The following ADGRG6 variants were observed in gnomAD, a reference collection of about 807,000 sequenced individuals.
ADGRG6 encodes adhesion G protein-coupled receptor G6, also known as G-protein coupled receptor 126.
A neutral mutation model predicts 142.4 loss-of-function variants in ADGRG6; 84 were observed. The observed-to-expected ratio is 0.59, with a 90% CI of 0.49 to 0.71. The LOEUF (loss-of-function observed/expected upper bound fraction) is 0.71. Among genes scored for constraint, ADGRG6 ranks in the 30% least tolerant of loss-of-function variants. ADGRG6 has a pLI of 0.00. For missense variants in ADGRG6, 1,367 were observed against 1,466.6 expected, an observed-to-expected ratio of 0.93 and a Z score of 1.11; for synonymous variants, 521 against 520.5, an observed-to-expected ratio of 1.00 and a Z score of -0.01.
chr6:142,313,458 C>T (rs974800185), intron 2 of ADGRG6, among the ~76,000 whole-genome samples: 22 of 152,190 alleles, frequency 1.4e-4, no homozygotes, highest in Non-Finnish European at 2.5e-4. Flanking sequence ...CCACACAGAT[C>T]GTCTTAGTCA....
intron 22 of ADGRG6, among the ~76,000 whole-genome samples, chr6:142,427,896 A>C (rs941113842): frequency 6.6e-6 from 1 of 152,130 alleles, no homozygotes; most frequent in East Asian, 1.9e-4. Flanking sequence ...AAAAACCTGC[A>C]CCCATAATTC....
At chr6:142,400,854 G>A in intron 11 of ADGRG6, 1 of 342,730 alleles carries the variant, frequency 2.9e-6, no homozygotes, top group Non-Finnish European at 5.3e-6. Context: ...CCAGTGGGTA[G>A]CACCAGAGCA....
intron 2 of ADGRG6, among the ~76,000 whole-genome samples, chr6:142,330,312 A>G (rs573270901): frequency 4.0e-4 from 61 of 152,256 alleles, no homozygotes; most frequent in African/African-American, 1.4e-3. Context: ...CTGTGTAACA[A>G]ACCTGCACAT....
chr6:142,427,897 C>G (rs777009912), intron 22 of ADGRG6, among the ~76,000 whole-genome samples: 14 of 152,280 alleles, frequency 9.2e-5, no homozygotes, highest in East Asian at 3.9e-4. Flanking sequence ...AAAACCTGCA[C>G]CCATAATTCA....
intron 7 of ADGRG6, among the ~76,000 whole-genome samples, chr6:142,391,078 A>G (rs1055621086): frequency 5.3e-5 from 8 of 151,848 alleles, no homozygotes; most frequent in Non-Finnish European, 1.0e-4. Context: ...TTATTTAACC[A>G]GTATCCTATT....
intron 1 of ADGRG6, among the ~76,000 whole-genome samples, chr6:142,307,017 G>GATTGCAGGCAGTCTT (rs1227836045): frequency 3.3e-5 from 5 of 152,190 alleles, no homozygotes; most frequent in Non-Finnish European, 7.4e-5. Context: ...CAACTGATAG[G>GATTGCAGGCAGTCTT]ATTGCAGGCA....
In ADGRG6 at chr6:142,439,031, G is replaced by A. The variant is rs1777619093; in HGVS notation, c.3574+667G>A. Among the ~76,000 whole-genome samples the A allele has an allele frequency of 5.9e-5, 9 of 152,186 alleles. No homozygotes were observed. The South Asian group carries it at 1.9e-3, about 31-fold the overall frequency. On this transcript the variant is annotated intron_variant, in intron 24 of 24. Coordinates refer to ENST00000367609, the MANE Select transcript of ADGRG6 (RefSeq NM_198569.3). ...CCAGGTGCTATGACACATGCCTGGA[G>A]TCCCAGCTGCTCTGGAGGCTGAGAT... is the stretch of plus-strand genomic sequence containing the variant.
At chr6:142,415,422 T>G (rs1689202673) in intron 19 of ADGRG6, among the ~76,000 whole-genome samples, 1 of 152,174 alleles carries the variant, frequency 6.6e-6, no homozygotes, top group Admixed American at 6.5e-5. Context: ...TGAAACAATT[T>G]TTTTAAGATC....
Position 142,441,274 on chromosome 6 carries a change from A to C in ADGRG6, c.3575-2063A>C, listed in dbSNP as rs73582565. 8.5e-3 allele frequency among the ~76,000 whole-genome samples: 1,299 copies of C among 152,316 alleles called. 19 individuals carry two copies. Among genetic ancestry groups the C allele is most frequent in the African/African-American group, 0.027 (1,108 of 41,572 alleles). Reference sequence around the variant, plus strand: ...AAAAGATTTGTTGTAGAAGGACATGAAATGCTTTATTTTTCCACTGCTCAT... The same window carrying C: ...AAAAGATTTGTTGTAGAAGGACATGCAATGCTTTATTTTTCCACTGCTCAT... On this transcript the variant is annotated intron_variant, in intron 24 of 24. Transcript: ENST00000367609.
chr6:142,302,389 G>A (rs1777267601), intron 1 of ADGRG6, 58 bp downstream of exon 1: 18 of 1,581,618 alleles, frequency 1.1e-5, no homozygotes, highest in South Asian at 9.1e-5. Flanking sequence ...TCCACCTTCT[G>A]TCGCCCCCTC....
At chr6:142,302,384 C>T (rs1379241656) in intron 1 of ADGRG6, 53 bp downstream of exon 1, 18 of 1,592,048 alleles carry the variant, frequency 1.1e-5, no homozygotes, top group Admixed American at 1.0e-4. Context: ...CTGTGTCCAC[C>T]TTCTGTCGCC....
At chr6:142,437,668 G>A (rs182565289) in intron 23 of ADGRG6, 133 bp downstream of exon 23, 14 of 610,728 alleles carry the variant, frequency 2.3e-5, no homozygotes, top group African/African-American at 1.7e-4. Flanking sequence ...ATGCGTAGTT[G>A]GAATCATAGA....
At chr6:142,344,810 C>CTGA (rs1451256751) in intron 2 of ADGRG6, among the ~76,000 whole-genome samples, 1 of 151,874 alleles carries the variant, frequency 6.6e-6, no homozygotes, top group East Asian at 1.9e-4. Context: ...TTCTAATATA[C>CTGA]TGATATTCAG....
At chr6:142,341,406 T>C (rs1377903521) in intron 2 of ADGRG6, among the ~76,000 whole-genome samples, 6 of 122,636 alleles carry the variant, frequency 4.9e-5, no homozygotes, top group South Asian at 2.2e-4. Context: ...TTATATAATA[T>C]ATTATATAAT....
chr6:142,338,017 G>GTTTTTTTTTGTTTTTTTTTTTTTTTTTT (rs1779412375), intron 2 of ADGRG6, among the ~76,000 whole-genome samples: 1 of 35,392 alleles, frequency 2.8e-5, no homozygotes. Context: ...TTGTATCTTT[G>GTTTTTTTTTGTTTTTTTTTTTTTTTTTT]TTTTTTTTTT....
intron 2 of ADGRG6, among the ~76,000 whole-genome samples, chr6:142,315,005 T>TGTGTGTGTGTGTGA (rs1554229843): frequency 1.3e-5 from 2 of 150,774 alleles, no homozygotes; most frequent in Admixed American, 6.6e-5. Context: ...TGTGTGTGTG[T>TGTGTGTGTGTGTGA]TATACAGTCT....
At chr6:142,326,498 T>C (rs1778786781) in intron 2 of ADGRG6, among the ~76,000 whole-genome samples, 4 of 151,820 alleles carry the variant, frequency 2.6e-5, no homozygotes, top group Admixed American at 2.6e-4. Flanking sequence ...TGATCGTGAG[T>C]TTTCAGACTC....
chr6:142,418,923 A>G (rs2115091775), intron 21 of ADGRG6, among the ~76,000 whole-genome samples: 1 of 152,314 alleles, frequency 6.6e-6, no homozygotes, highest in South Asian at 2.1e-4. Flanking sequence ...TGCATATAGT[A>G]CAGTTTTAAA....
intron 3 of ADGRG6, among the ~76,000 whole-genome samples, chr6:142,368,861 T>C (rs1456916208): frequency 1.3e-5 from 2 of 152,162 alleles, no homozygotes; most frequent in Non-Finnish European, 2.9e-5. Context: ...GAATTACCTA[T>C]ACAAATGCCA....
Sources: gnomAD v4.1 joint callset for allele counts (sites outside exome capture counted in the v4.1 genomes callset) on GRCh38, gnomAD v4.1.1 for gene constraint, MANE v1.5 for transcripts, NCBI Gene and HGNC (gene_info 2026-07-23, HGNC 2026-07-21) for gene names.